Variants in EXOC6B observed in about 807,000 individuals in gnomAD.
EXOC6B encodes SEC15 homolog B.
In EXOC6B, 54 loss-of-function variants were observed where a neutral mutation model predicts 113.5. The ratio of observed to expected loss-of-function variants is 0.48; its 90% CI spans 0.38 to 0.60. EXOC6B has a LOEUF of 0.60. EXOC6B is among the 20% of genes least tolerant of loss of function. The pLI, the probability that EXOC6B is intolerant of heterozygous loss-of-function variation, is 0.00. For missense variants in EXOC6B, 797 were observed against 977.5 expected (o/e 0.82, Z 2.46); for synonymous variants, 357 against 339.0 (o/e 1.05, Z -0.58).
chr2:72,801,169 G>T (rs930138229), intron 1 of EXOC6B, among the ~76,000 whole-genome samples: 2 of 152,158 alleles, frequency 1.3e-5, no homozygotes, highest in Non-Finnish European at 2.9e-5. Context: ...AATAAGCCCT[G>T]TATAGAACAG....
chr2:72,247,472 C>T (rs559803601), intron 20 of EXOC6B, among the ~76,000 whole-genome samples: 1 of 152,332 alleles, frequency 6.6e-6, no homozygotes, highest in South Asian at 2.1e-4. Flanking sequence ...TAGTTGTTTG[C>T]TTAGTGCTTT....
chr2:72,390,387 T>C (rs1322921207), intron 18 of EXOC6B, among the ~76,000 whole-genome samples: 1 of 152,240 alleles, frequency 6.6e-6, no homozygotes, highest in Non-Finnish European at 1.5e-5. Context: ...CTGTCACTTC[T>C]GTCATGTTTG....
Position 72,462,616 on chromosome 2 carries a change from T to C in EXOC6B, c.1980+2544A>G, listed in dbSNP as rs546615961. ...GCCACGTAAGGATACAGAGGTGCCA[T>C]TTATGAGTAACAGGACTTTATCAGA... On this transcript the variant is annotated intron_variant, in intron 18 of 21. Coordinates refer to ENST00000272427, the MANE Select transcript of EXOC6B (RefSeq NM_015189.3). The C allele has an allele frequency of 4.6e-5, 7 of 152,188 alleles. 1 individual carries two copies. In the East Asian group the frequency reaches 1.4e-3, roughly 29 times the overall value. 9.4% of individuals were successfully genotyped at this position (152,188 alleles called of 1,614,324 possible). A position where few individuals can be genotyped will look rare whatever the true frequency, so the allele number is the denominator to read the frequency against.
At chr2:72,494,889 G>A (rs1305795932) in intron 15 of EXOC6B, among the ~76,000 whole-genome samples, 2 of 151,974 alleles carry the variant, frequency 1.3e-5, no homozygotes, top group Non-Finnish European at 2.9e-5. Context: ...AGAAACAAAG[G>A]AGCCTACACT....
At chr2:72,342,639 G>T (rs574074743) in intron 19 of EXOC6B, among the ~76,000 whole-genome samples, 1 of 152,172 alleles carries the variant, frequency 6.6e-6, no homozygotes, top group South Asian at 2.1e-4. Flanking sequence ...AGGTTCCTCA[G>T]AATATTAAAA....
intron 1 of EXOC6B, among the ~76,000 whole-genome samples, chr2:72,758,256 A>G (rs964748971): frequency 6.6e-6 from 1 of 151,648 alleles, no homozygotes; most frequent in Admixed American, 6.6e-5. Flanking sequence ...GATCCCTTCC[A>G]CTGCAACTAC....
At chr2:72,637,618 G>A (rs1672940478) in intron 6 of EXOC6B, among the ~76,000 whole-genome samples, 1 of 151,930 alleles carries the variant, frequency 6.6e-6, no homozygotes. Context: ...GCAAAACCCT[G>A]TATCTACAAA....
chr2:72,813,724 C>T (rs1686052484), intron 1 of EXOC6B, among the ~76,000 whole-genome samples: 1 of 152,190 alleles, frequency 6.6e-6, no homozygotes, highest in Admixed American at 6.5e-5. Flanking sequence ...TGTTTTTCTT[C>T]ACTCATATTG....
intron 8 of EXOC6B, among the ~76,000 whole-genome samples, chr2:72,549,515 C>T (rs1703095658): frequency 6.6e-6 from 1 of 152,152 alleles, no homozygotes; most frequent in African/African-American, 2.4e-5. Flanking sequence ...CTGGTGACTA[C>T]ATAGATGATA....
At chr2:72,616,504 T>C (rs1238837595) in intron 6 of EXOC6B, among the ~76,000 whole-genome samples, 1 of 152,172 alleles carries the variant, frequency 6.6e-6, no homozygotes, top group African/African-American at 2.4e-5. Context: ...TCTGTTTCCA[T>C]GGCTGGGGAG....
At chr2:72,534,557 T>C (rs1381313152) in intron 8 of EXOC6B, among the ~76,000 whole-genome samples, 1 of 152,156 alleles carries the variant, frequency 6.6e-6, no homozygotes, top group South Asian at 2.1e-4. Context: ...TTTGAGGAAG[T>C]AGAAGAGGCA....
chr2:72,501,071 C>G (rs1700295748), intron 11 of EXOC6B, among the ~76,000 whole-genome samples: 1 of 152,144 alleles, frequency 6.6e-6, no homozygotes, highest in South Asian at 2.1e-4. Context: ...TCTTTATTTT[C>G]AATCTTTTCA....
chr2:72,699,184 A>G (rs929370976), intron 6 of EXOC6B, among the ~76,000 whole-genome samples: 8 of 152,352 alleles, frequency 5.3e-5, no homozygotes, highest in South Asian at 2.1e-4. Context: ...AGACGTATCA[A>G]GAAAGTCAAA....
chr2:72,611,273 A>G (rs1019403383), intron 6 of EXOC6B, among the ~76,000 whole-genome samples: 2 of 152,048 alleles, frequency 1.3e-5, no homozygotes, highest in Admixed American at 6.5e-5. Flanking sequence ...CTGAGGCACG[A>G]GAATCACTTG....
chr2:72,299,233 T>C (rs958089722), intron 20 of EXOC6B, among the ~76,000 whole-genome samples: 1 of 151,840 alleles, frequency 6.6e-6, no homozygotes, highest in Admixed American at 6.6e-5. Flanking sequence ...TTTCATTGAG[T>C]TGATCTTCAA....
chr2:72,256,518 T>C (rs575509105), intron 20 of EXOC6B, among the ~76,000 whole-genome samples: 36 of 152,334 alleles, frequency 2.4e-4, no homozygotes, highest in African/African-American at 8.4e-4. Context: ...TGGCTTTAGC[T>C]GTGTGACTGG....
chr2:72,618,378 G>C (rs1671535244), intron 6 of EXOC6B, among the ~76,000 whole-genome samples: 1 of 151,772 alleles, frequency 6.6e-6, no homozygotes, highest in Non-Finnish European at 1.5e-5. Context: ...TCAAAAAAAA[G>C]AAAAGAAAAG....
intron 6 of EXOC6B, among the ~76,000 whole-genome samples, chr2:72,689,760 C>T (rs774976176): frequency 6.6e-6 from 1 of 152,174 alleles, no homozygotes; most frequent in African/African-American, 2.4e-5. Context: ...GCAGAGTTTG[C>T]CAACTTTCCC....
chr2:72,213,187 C>T (rs1360059501), intron 20 of EXOC6B, among the ~76,000 whole-genome samples: 1 of 152,210 alleles, frequency 6.6e-6, no homozygotes, highest in Non-Finnish European at 1.5e-5. Flanking sequence ...CCTGCCAAGG[C>T]ACCAGACTTG....
Sources: allele counts gnomAD v4.1 joint callset (sites outside exome capture counted in the v4.1 genomes callset), GRCh38; gene constraint gnomAD v4.1.1; transcripts MANE v1.5; gene names NCBI Gene and HGNC (gene_info 2026-07-23, HGNC 2026-07-21).